Variants in FOXN3 observed in about 807,000 individuals in gnomAD.
The protein encoded by FOXN3 is forkhead box N3.
Under a neutral mutation model 38.4 loss-of-function variants are expected in FOXN3, and 7 were observed. That is an observed-to-expected ratio of 0.18 (90% CI 0.10 to 0.34). The LOEUF (loss-of-function observed/expected upper bound fraction) is 0.34. Ranked by LOEUF, FOXN3 falls within the 10% of genes least tolerant of loss-of-function variation. FOXN3 has a pLI of 1.00. For missense variants in FOXN3, 456 were observed against 613.4 expected (o/e 0.74, Z 2.71); for synonymous variants, 230 against 242.2 (o/e 0.95, Z 0.47).
At chr14:89,260,346 G>C (rs554468240) in intron 4 of FOXN3, among the ~76,000 whole-genome samples, 35 of 152,350 alleles carry the variant, frequency 2.3e-4, no homozygotes, top group East Asian at 1.3e-3. Flanking sequence ...GATCACTCCC[G>C]GTGAGGCCAG....
intron 2 of FOXN3, among the ~76,000 whole-genome samples, chr14:89,357,862 G>A (rs537603223): frequency 2.6e-4 from 40 of 152,220 alleles, no homozygotes; most frequent in Non-Finnish European, 5.3e-4. Flanking sequence ...TGCAACGCGC[G>A]ACTGTATCTG....
intron 1 of FOXN3, among the ~76,000 whole-genome samples, chr14:89,587,315 G>T (rs998539509): frequency 1.6e-4 from 25 of 152,184 alleles, no homozygotes. Context: ...CATCTAGACT[G>T]GTGTTTGACC....
chr14:89,323,957 C>T (rs1887969644), intron 3 of FOXN3, among the ~76,000 whole-genome samples: 1 of 152,096 alleles, frequency 6.6e-6, no homozygotes, highest in Non-Finnish European at 1.5e-5. Flanking sequence ...GAGGCAGGGA[C>T]CTCTAGCGTG....
chr14:89,587,234 G>T (rs532379851), intron 1 of FOXN3, among the ~76,000 whole-genome samples: 4 of 152,246 alleles, frequency 2.6e-5, no homozygotes, highest in Non-Finnish European at 5.9e-5. Context: ...CACATTATGG[G>T]GGGTAATCCG....
At chr14:89,557,919 T>C (rs996847563) in intron 1 of FOXN3, among the ~76,000 whole-genome samples, 10 of 152,012 alleles carry the variant, frequency 6.6e-5, no homozygotes, top group Non-Finnish European at 1.3e-4. Context: ...GGCAGGAGAA[T>C]CACTTGAACC....
intron 4 of FOXN3, among the ~76,000 whole-genome samples, chr14:89,203,094 T>C (rs112741967): frequency 0.046 from 1,319 of 28,956 alleles, 37 homozygotes; most frequent in African/African-American, 0.15. Context: ...GTGGGGGGGG[T>C]GGGGGGAGGG....
At chr14:89,415,884 C>CACACACACA (rs1566647933) in intron 1 of FOXN3, among the ~76,000 whole-genome samples, 1 of 93,262 alleles carries the variant, frequency 1.1e-5, no homozygotes, top group African/African-American at 5.4e-5. Flanking sequence ...ACACACACAC[C>CACACACACA]CTCTTTTGTT....
chr14:89,434,187 T>C (rs1338215476), intron 1 of FOXN3, among the ~76,000 whole-genome samples: 1 of 150,766 alleles, frequency 6.6e-6, no homozygotes, highest in African/African-American at 2.4e-5. Context: ...TGTCCCAAAG[T>C]GCTGGGATTA....
chr14:89,358,338 G>T (rs992458490), intron 2 of FOXN3, among the ~76,000 whole-genome samples: 1 of 152,208 alleles, frequency 6.6e-6, no homozygotes, highest in Non-Finnish European at 1.5e-5. Context: ...CAGAGAAGGA[G>T]TTTTCAGGGT....
At chr14:89,314,368 G>A (rs1266358473) in intron 3 of FOXN3, among the ~76,000 whole-genome samples, 1 of 152,042 alleles carries the variant, frequency 6.6e-6, no homozygotes, top group African/African-American at 2.4e-5. Flanking sequence ...CAGGAGTGTG[G>A]GTCTTTGGCA....
intron 4 of FOXN3, among the ~76,000 whole-genome samples, chr14:89,267,931 T>C (rs1886033076): frequency 2.6e-5 from 4 of 152,220 alleles, no homozygotes; most frequent in Admixed American, 2.6e-4. Context: ...GGGGATTGCC[T>C]AAAATAGCAT....
At chr14:89,613,050 G>T (rs907408332) in intron 1 of FOXN3, among the ~76,000 whole-genome samples, 1 of 146,154 alleles carries the variant, frequency 6.8e-6, no homozygotes. Context: ...CCAGGAGGCG[G>T]AGGTTGCAGT....
intron 3 of FOXN3, among the ~76,000 whole-genome samples, chr14:89,304,708 C>T (rs1887321035): frequency 6.6e-6 from 1 of 151,946 alleles, no homozygotes; most frequent in Non-Finnish European, 1.5e-5. Flanking sequence ...CCAGAGAAAA[C>T]CTGGGCATTC....
Position 89,550,168 on chromosome 14 carries a change from A to G in FOXN3, c.-15+68860T>C, listed in dbSNP as rs549510302. Among the ~76,000 whole-genome samples, 10 of 152,286 alleles carry G rather than the reference A, an allele frequency of 6.6e-5. No homozygotes were observed. In the South Asian group the frequency reaches 1.0e-3, roughly 16 times the overall value. Reference sequence around the variant, plus strand: ...TGAGCTCCAAACACCATGCTATGAGACACAAAGGAAGCTCTGTGGTCTTTG... The same window carrying G: ...TGAGCTCCAAACACCATGCTATGAGGCACAAAGGAAGCTCTGTGGTCTTTG... On this transcript the variant is annotated intron_variant, in intron 1 of 6. Coordinates refer to the FOXN3 transcript ENST00000345097.
chr14:89,345,254 G>C (rs954833159), intron 3 of FOXN3, among the ~76,000 whole-genome samples: 20 of 151,876 alleles, frequency 1.3e-4, no homozygotes, highest in Admixed American at 1.3e-3. Context: ...ACTAAAGTAG[G>C]TCAGGCAACT....
intron 1 of FOXN3, among the ~76,000 whole-genome samples, chr14:89,472,309 G>T (rs1893112730): frequency 6.6e-6 from 1 of 151,862 alleles, no homozygotes; most frequent in Admixed American, 6.6e-5. Context: ...GAGTTTTGGG[G>T]TTTGTCTGTT....
chr14:89,267,832 AG>A (rs367661374), intron 4 of FOXN3, among the ~76,000 whole-genome samples: 9 of 152,178 alleles, frequency 5.9e-5, no homozygotes, highest in African/African-American at 2.2e-4. Flanking sequence ...GGGCCGTGGC[AG>A]GGGGTGAACA....
chr14:89,159,470 AAC>A lies in FOXN3; in HGVS notation c.*2942_*2943del, dbSNP rs1887050006. On this transcript the variant is annotated 3_prime_UTR_variant, in exon 6 of 6. Transcript: ENST00000557258. The stretch of plus-strand genomic sequence containing the variant: ...CAAAAAGAGTGGTTCTGGAGTTAAG[AAC>A]ACACTTTTATATTTCTCTATTTCTC... 1 of 152,664 alleles carries A rather than the reference AAC, an allele frequency of 6.6e-6. No homozygotes were observed. The allele number at this position is 152,664 out of a possible 1,614,324, so 9.5% of individuals were successfully genotyped here.
chr14:89,561,146 G>A (rs903297813), intron 1 of FOXN3, among the ~76,000 whole-genome samples: 3 of 152,224 alleles, frequency 2.0e-5, no homozygotes, highest in African/African-American at 7.2e-5. Flanking sequence ...TGGCCTCCGT[G>A]ATAAAAGCGT....
Sources: allele counts gnomAD v4.1 joint callset (sites outside exome capture counted in the v4.1 genomes callset), GRCh38; gene constraint gnomAD v4.1.1; transcripts MANE v1.5; gene names NCBI Gene and HGNC (gene_info 2026-07-23, HGNC 2026-07-21).